Variants in PDZRN3 observed in about 807,000 individuals in gnomAD.
PDZRN3 encodes PDZ domain containing ring finger 3, also known as E3 ubiquitin-protein ligase PDZRN3.
In PDZRN3, 38 loss-of-function variants were observed where a neutral mutation model predicts 85.7. That is an observed-to-expected ratio of 0.44 (90% CI 0.34 to 0.58). PDZRN3 has a LOEUF of 0.58. Ranked by LOEUF, PDZRN3 falls within the 20% of genes least tolerant of loss-of-function variation. The probability of loss-of-function intolerance (pLI) is 0.01; values close to 1 mark genes in which losing one functional copy is unlikely to be tolerated. For missense variants in PDZRN3, 1,629 were observed against 1,506.4 expected, an observed-to-expected ratio of 1.08 and a Z score of -1.35; for synonymous variants, 759 against 638.0, an observed-to-expected ratio of 1.19 and a Z score of -2.86.
At chr3:73,621,380 G>C (rs1409645291) in intron 1 of PDZRN3, among the ~76,000 whole-genome samples, 2 of 152,222 alleles carry the variant, frequency 1.3e-5, no homozygotes, top group African/African-American at 4.8e-5. Flanking sequence ...GCTTATAACA[G>C]AGAAGCAAAC....
At chr3:73,399,055 C>CACAG (rs1701697619) in intron 5 of PDZRN3, among the ~76,000 whole-genome samples, 1 of 152,132 alleles carries the variant, frequency 6.6e-6, no homozygotes, top group African/African-American at 2.4e-5. Context: ...TGCAAGCTCT[C>CACAG]ACAGACAGGA....
chr3:73,559,871 A>T (rs1042155894), intron 3 of PDZRN3, among the ~76,000 whole-genome samples: 23 of 152,224 alleles, frequency 1.5e-4, no homozygotes, highest in African/African-American at 5.5e-4. Flanking sequence ...TCTCACCACA[A>T]AATTATCTTA....
Position 73,383,892 on chromosome 3 carries a change from C to T in PDZRN3, c.2674G>A (p.Ala892Thr). The change falls in exon 10 of 10, where the codon GCC (alanine) becomes ACC (threonine). Residue 892 changes from alanine (A) to threonine (T), a missense_variant. By Grantham distance (58) the Ala-to-Thr change is moderately conservative. Coordinates refer to ENST00000263666, the MANE Select transcript of PDZRN3 (RefSeq NM_015009.3). ...SYMQLIQQKS[A>T]VEYAQSQMSL... is the part of the protein sequence containing the mutation. ...ATCTGGCTTTGCGCGTACTCCACGG[C>T]CGACTTCTGCTGGATCAGCTGCATG... 3 of 1,612,680 alleles carry T rather than the reference C, an allele frequency of 1.9e-6. No individual in the cohort carries two copies. The highest frequency in any genetic ancestry group is 2.5e-6 in the Non-Finnish European group (3 of 1,179,504).
chr3:73,523,342 T>G (rs1284402156), intron 3 of PDZRN3, among the ~76,000 whole-genome samples: 3 of 152,152 alleles, frequency 2.0e-5, no homozygotes, highest in Non-Finnish European at 4.4e-5. Flanking sequence ...GAAGAGATAT[T>G]TGAAAGAGAG....
rs747778714 is a variant in PDZRN3 at position 73,383,699 on chromosome 3, C to G, written c.2867G>C (p.Gly956Ala). ...CACCGCGTCGTCGTCGGTGGTCATG[C>G]CGCTGCGCTCTTCCCGGATCTTCAG... is the stretch of plus-strand genomic sequence containing the variant. ...RALKIREERS[G>A]MTTDDDAVSE... Residue 956 changes from glycine to alanine, a missense_variant, in exon 10 of 10, where the codon GGC (glycine) becomes GCC (alanine). Transcript: ENST00000263666. The G allele has an allele frequency of 6.2e-7, 1 of 1,611,612 alleles. No homozygotes were observed. Among genetic ancestry groups the G allele is most frequent in the Middle Eastern group, 1.6e-4 (1 of 6,062 alleles).
At chr3:73,440,487 C>T (rs1394014411) in intron 3 of PDZRN3, among the ~76,000 whole-genome samples, 1 of 152,202 alleles carries the variant, frequency 6.6e-6, no homozygotes. Context: ...TCACAACATG[C>T]AGCCCAAGCT....
intron 3 of PDZRN3, among the ~76,000 whole-genome samples, chr3:73,426,205 A>G (rs1702312350): frequency 6.6e-6 from 1 of 151,788 alleles, no homozygotes; most frequent in Non-Finnish European, 1.5e-5. Context: ...TATATAATGT[A>G]TACATAATAT....
chr3:73,490,586 C>T (rs1255948338), intron 3 of PDZRN3, among the ~76,000 whole-genome samples: 3 of 152,164 alleles, frequency 2.0e-5, no homozygotes, highest in East Asian at 1.9e-4. Flanking sequence ...CCATTCTCCA[C>T]CTATAAATTC....
chr3:73,443,886 T>A (rs1702696804), intron 3 of PDZRN3, among the ~76,000 whole-genome samples: 1 of 152,160 alleles, frequency 6.6e-6, no homozygotes, highest in East Asian at 1.9e-4. Context: ...ATCAGCATCA[T>A]TTGCTATGTA....
chr3:73,498,429 AAAC>A (rs1471421307), intron 3 of PDZRN3, among the ~76,000 whole-genome samples: 1 of 152,322 alleles, frequency 6.6e-6, no homozygotes, highest in African/African-American at 2.4e-5. Flanking sequence ...CACCAGAGTT[AAAC>A]AACACCACCT....
intron 3 of PDZRN3, among the ~76,000 whole-genome samples, chr3:73,537,030 A>T (rs1184616037): frequency 6.6e-6 from 1 of 152,136 alleles, no homozygotes; most frequent in Non-Finnish European, 1.5e-5. Context: ...CAGGAAAGCT[A>T]GGGCAGAGAC....
At chr3:73,438,300 C>T (rs1702568469) in intron 3 of PDZRN3, among the ~76,000 whole-genome samples, 1 of 152,212 alleles carries the variant, frequency 6.6e-6, no homozygotes, top group African/African-American at 2.4e-5. Flanking sequence ...CAGGGTGCTA[C>T]AGACAGTCAG....
chr3:73,624,041 G>C (rs1702916362), intron 1 of PDZRN3, 62 bp downstream of exon 1: 1 of 1,373,964 alleles, frequency 7.3e-7, no homozygotes, highest in African/African-American at 1.5e-5. Context: ...CAAAGGGATG[G>C]GGCGGGGCCC....
intron 3 of PDZRN3, among the ~76,000 whole-genome samples, chr3:73,510,846 A>C (rs2106706217): frequency 6.6e-6 from 1 of 152,324 alleles, no homozygotes; most frequent in East Asian, 1.9e-4. Context: ...AATTAAAACA[A>C]TATACTGTAA....
At position 73,438,128 on chromosome 3, in the gene PDZRN3, G is replaced by A. The variant is rs533661018; in HGVS notation, c.919-33733C>T. 3.9e-5 allele frequency among the ~76,000 whole-genome samples: 6 copies of A among 152,242 alleles called. No individual in the cohort carries two copies. The South Asian group carries it at 8.3e-4, about 21-fold the overall frequency. ...TCTCGGGTGCTCTGCACCATCAGACGCCTGCCTCTTCCTGCCTTCATGGAA... is the reference window on the plus strand; with the variant it reads ...TCTCGGGTGCTCTGCACCATCAGACACCTGCCTCTTCCTGCCTTCATGGAA... On this transcript the variant is annotated intron_variant, in intron 3 of 9. Coordinates refer to ENST00000263666, the MANE Select transcript of PDZRN3 (RefSeq NM_015009.3).
intron 3 of PDZRN3, among the ~76,000 whole-genome samples, chr3:73,514,174 T>C (rs77237720): frequency 0.011 from 1,706 of 152,278 alleles, 29 homozygotes; most frequent in African/African-American, 0.038. Flanking sequence ...GAAAGGAAGA[T>C]AGAAAAAAGA....
intron 3 of PDZRN3, among the ~76,000 whole-genome samples, chr3:73,490,441 C>A (rs925770727): frequency 1.3e-5 from 2 of 152,162 alleles, no homozygotes; most frequent in Admixed American, 1.3e-4. Flanking sequence ...ACTGAAAAAG[C>A]CTCCCAGCCC....
rs1702920977 is a variant in PDZRN3 at position 73,624,139 on chromosome 3, C to T, written c.687G>A (p.Ser229=). The part of the protein sequence containing the change: ...KFTEYSARLD[S]LSRCVAAPPG... ...GCGGCGCGGCCACGCAGCGGCTGAG[C>T]GAGTCGAGGCGCGCGCTGTATTCGG... is the stretch of plus-strand genomic sequence containing the variant. Residue 229 remains serine, a synonymous_variant, in exon 1 of 10, where the codon TCG becomes TCA. Coordinates refer to ENST00000263666, the MANE Select transcript of PDZRN3 (RefSeq NM_015009.3). 1 of 1,488,264 alleles carries T rather than the reference C, an allele frequency of 6.7e-7. No homozygotes were observed. Among genetic ancestry groups the T allele is most frequent in the Non-Finnish European group, 8.9e-7 (1 of 1,125,524 alleles). The allele number at this position is 1,488,264 out of a possible 1,614,324, so 92.2% of individuals were successfully genotyped here.
Position 73,624,629 on chromosome 3 carries a change from T to C in PDZRN3, c.197A>G (p.Asn66Ser), listed in dbSNP as rs1231363125. The C allele has an allele frequency of 1.3e-6, 2 of 1,555,528 alleles. No individual in the cohort carries two copies. Among genetic ancestry groups the C allele is most frequent in the South Asian group, 1.2e-5 (1 of 84,052 alleles). ...AAGGCGCTTGAGCGGCAGGACGTGGTTGAGCTCTTTGGCCGACAGGCGACC... is the reference window on the plus strand; with the variant it reads ...AAGGCGCTTGAGCGGCAGGACGTGGCTGAGCTCTTTGGCCGACAGGCGACC... ...CRGRLSAKEL[N>S]HVLPLKRLIL... Residue 66 changes from asparagine (N) to serine (S), a missense_variant, in exon 1 of 10, where the codon AAC (asparagine) becomes AGC (serine). By Grantham distance (46) the Asn-to-Ser change is conservative. Coordinates refer to ENST00000263666, the MANE Select transcript of PDZRN3 (RefSeq NM_015009.3).
Sources: allele counts gnomAD v4.1 joint callset (sites outside exome capture counted in the v4.1 genomes callset), GRCh38; gene constraint gnomAD v4.1.1; transcripts MANE v1.5; gene names NCBI Gene and HGNC (gene_info 2026-07-23, HGNC 2026-07-21).